SENP7: variants seen among roughly 807,000 people sequenced by gnomAD.
SENP7 encodes the protein SUMO specific peptidase 7, also known as sentrin-specific protease 7.
Under a neutral mutation model 141.2 loss-of-function variants are expected in SENP7, and 64 were observed. The observed-to-expected ratio is 0.45, with a 90% confidence interval of 0.37 to 0.56. The LOEUF (loss-of-function observed/expected upper bound fraction) is 0.56, where lower values mean the gene tolerates loss of function less well. Among genes scored for constraint, SENP7 ranks in the 20% least tolerant of loss-of-function variants. The pLI, the probability that SENP7 is intolerant of heterozygous loss-of-function variation, is 0.00. For missense variants in SENP7, 1,025 were observed against 1,212.2 expected (o/e 0.85, Z 2.29); for synonymous variants, 382 against 426.4 (o/e 0.90, Z 1.28).
chr3:101,509,685 A>G (rs1406494676), intron 1 of SENP7, among the ~76,000 whole-genome samples: 3 of 152,230 alleles, frequency 2.0e-5, no homozygotes, highest in Non-Finnish European at 4.4e-5. Flanking sequence ...ATTATCATTC[A>G]TTACACTTTC....
intron 4 of SENP7, among the ~76,000 whole-genome samples, chr3:101,450,965 C>T (rs1380366740): frequency 1.3e-5 from 2 of 152,062 alleles, no homozygotes; most frequent in African/African-American, 4.8e-5. Context: ...TGATAGACCA[C>T]TAGCAAGACT....
At chr3:101,404,631 C>G (rs1363119003) in intron 5 of SENP7, among the ~76,000 whole-genome samples, 1 of 152,086 alleles carries the variant, frequency 6.6e-6, no homozygotes, top group Admixed American at 6.5e-5. Context: ...TTAGAGTGAA[C>G]AGACACCCTA....
At chr3:101,357,600 A>G in intron 11 of SENP7, 1 of 1,081,028 alleles carries the variant, frequency 9.3e-7, no homozygotes, top group East Asian at 2.4e-5. Context: ...AAAAGCTGTA[A>G]AAGTGTGGAT....
chr3:101,414,408 C>G, intron 5 of SENP7: 1 of 1,085,902 alleles, frequency 9.2e-7, no homozygotes, highest in Non-Finnish European at 1.4e-6. Flanking sequence ...TGGCTCAAGC[C>G]CAGGCTTTGG....
chr3:101,371,502 C>G (rs1329902152), intron 7 of SENP7, among the ~76,000 whole-genome samples: 1 of 152,002 alleles, frequency 6.6e-6, no homozygotes. Flanking sequence ...AAAAAGAAGT[C>G]GAATCATAAA....
intron 5 of SENP7, among the ~76,000 whole-genome samples, chr3:101,399,520 G>A (rs2061070490): frequency 6.6e-6 from 1 of 152,198 alleles, no homozygotes; most frequent in Non-Finnish European, 1.5e-5. Flanking sequence ...CATTCAGATT[G>A]CATCTCTGGT....
At chr3:101,500,376 A>G (rs1474662525) in intron 2 of SENP7, among the ~76,000 whole-genome samples, 3 of 152,118 alleles carry the variant, frequency 2.0e-5, no homozygotes, top group Non-Finnish European at 4.4e-5. Flanking sequence ...GCAACATAGC[A>G]AGACCCCTGT....
At chr3:101,414,004 A>C (rs1390662300) in intron 5 of SENP7, among the ~76,000 whole-genome samples, 4 of 152,216 alleles carry the variant, frequency 2.6e-5, no homozygotes, top group Non-Finnish European at 5.9e-5. Context: ...TTTTAGAATA[A>C]ATATTTTGAC....
At chr3:101,459,093 A>G in intron 3 of SENP7, 41 bp from the exon 4 acceptor site, 1 of 1,155,560 alleles carries the variant, frequency 8.7e-7, no homozygotes, top group Non-Finnish European at 1.3e-6. Flanking sequence ...AAACATATCA[A>G]TATGACAAGA....
intron 5 of SENP7, among the ~76,000 whole-genome samples, chr3:101,403,294 T>G (rs920304572): frequency 6.6e-6 from 1 of 152,236 alleles, no homozygotes; most frequent in Non-Finnish European, 1.5e-5. Flanking sequence ...ATCCCCTAAT[T>G]AAAAATTTTA....
intron 4 of SENP7, among the ~76,000 whole-genome samples, chr3:101,435,031 A>G (rs2062330481): frequency 6.6e-6 from 1 of 152,146 alleles, no homozygotes; most frequent in Non-Finnish European, 1.5e-5. Context: ...ACAAAATACT[A>G]GCAAACCAAA....
At position 101,493,917 on chromosome 3, in the gene SENP7, G is replaced by GAATT; in HGVS notation, c.141_142insAATT (p.Leu48AsnfsTer24). ...CGTTCTGAGCTTCTGAATTTGGACA[G>GAATT]TGGTGATTGAACATGGACATCCTCT... On this transcript the variant is annotated frameshift_variant, in exon 3 of 24. Transcript: ENST00000394095. LOFTEE classifies it high-confidence loss of function. 1 of 1,610,860 alleles carries GAATT rather than the reference G, an allele frequency of 6.2e-7. No individual in the cohort carries two copies. The highest frequency in any genetic ancestry group is 8.5e-7 in the Non-Finnish European group (1 of 1,177,646).
At chr3:101,357,316 T>C (rs2059771453) in intron 11 of SENP7, 1 of 645,642 alleles carries the variant, frequency 1.5e-6, no homozygotes, top group Non-Finnish European at 2.9e-6. Flanking sequence ...GCCTGGACAC[T>C]GCACAGTGGA....
rs1239482569 is a variant in SENP7, at chr3:101,354,903, T to A, written c.1624-3252A>T. On this transcript the variant is annotated intron_variant, in intron 11 of 23. Transcript: ENST00000394095. ...CCTCGTCAGCATGTTGTTGACCTTTTAACAATAGCCATTCTGACTGGTATG... is the reference window on the plus strand; with the variant it reads ...CCTCGTCAGCATGTTGTTGACCTTTAAACAATAGCCATTCTGACTGGTATG... 2.0e-5 allele frequency among the ~76,000 whole-genome samples: 3 copies of A among 152,166 alleles called. No homozygotes were observed. The East Asian group carries it at 5.8e-4, about 29-fold the overall frequency.
intron 5 of SENP7, among the ~76,000 whole-genome samples, chr3:101,409,802 C>T (rs769016048): frequency 1.3e-5 from 2 of 152,150 alleles, no homozygotes; most frequent in Non-Finnish European, 2.9e-5. Context: ...GGATTAAGGA[C>T]TTAAATCTAA....
chr3:101,468,129 G>T (rs1444684221), intron 3 of SENP7, among the ~76,000 whole-genome samples: 1 of 152,170 alleles, frequency 6.6e-6, no homozygotes, highest in African/African-American at 2.4e-5. Flanking sequence ...TCAGATTAAT[G>T]AAATAAAGCA....
chr3:101,467,247 G>T (rs868544209), intron 3 of SENP7, among the ~76,000 whole-genome samples: 1 of 152,232 alleles, frequency 6.6e-6, no homozygotes, highest in East Asian at 1.9e-4. Flanking sequence ...CCACCTCTGC[G>T]GGCAGGGCAT....
chr3:101,392,619 T>C (rs1039901800), intron 6 of SENP7, among the ~76,000 whole-genome samples: 7 of 152,138 alleles, frequency 4.6e-5, no homozygotes, highest in African/African-American at 1.7e-4. Flanking sequence ...CTTCCCAAAG[T>C]AATCTACAAA....
chr3:101,422,136 T>C (rs1158499047), intron 4 of SENP7, among the ~76,000 whole-genome samples: 1 of 152,146 alleles, frequency 6.6e-6, no homozygotes, highest in Non-Finnish European at 1.5e-5. Flanking sequence ...ACGAACCCTA[T>C]TGTGAACTTC....
Sources: gnomAD v4.1 joint callset for allele counts (sites outside exome capture counted in the v4.1 genomes callset) on GRCh38, gnomAD v4.1.1 for gene constraint, MANE v1.5 for transcripts, NCBI Gene and HGNC (gene_info 2026-07-23, HGNC 2026-07-21) for gene names.